The following PDE9A variants were observed in gnomAD, a reference collection of about 807,000 sequenced individuals.
The protein encoded by PDE9A is phosphodiesterase 9A.
PDE9A carries 60 observed loss-of-function variants against 87.4 expected under a neutral mutation model. The ratio of observed to expected loss-of-function variants is 0.69; its 90% CI spans 0.56 to 0.85. The LOEUF is 0.85. Ranked by LOEUF, PDE9A falls within the 40% of genes least tolerant of loss-of-function variation. PDE9A has a pLI of 0.00. For missense variants in PDE9A, 665 were observed against 779.0 expected, an observed-to-expected ratio of 0.85 and a Z score of 1.74; for synonymous variants, 272 against 279.4, an observed-to-expected ratio of 0.97 and a Z score of 0.27.
At chr21:42,732,923 C>CAA (rs1403494065) in intron 6 of PDE9A, among the ~76,000 whole-genome samples, 1 of 152,156 alleles carries the variant, frequency 6.6e-6, no homozygotes, top group Admixed American at 6.6e-5. Flanking sequence ...AAAAACAAAA[C>CAA]AAAACAAAAA....
chr21:42,717,753 G>A (rs1011353403), intron 4 of PDE9A, among the ~76,000 whole-genome samples: 10 of 151,378 alleles, frequency 6.6e-5, no homozygotes, highest in Admixed American at 6.6e-4. Flanking sequence ...GTGGAATTCT[G>A]CATTCACAGT....
chr21:42,768,353 G>C, intron 16 of PDE9A, 61 bp downstream of exon 16: 1 of 1,205,228 alleles, frequency 8.3e-7, no homozygotes, highest in Non-Finnish European at 1.2e-6. Context: ...CTTAGTAAGG[G>C]TTTGCGTTAA....
chr21:42,670,693 A>C (rs1282336691), intron 1 of PDE9A, among the ~76,000 whole-genome samples: 1 of 151,650 alleles, frequency 6.6e-6, no homozygotes, highest in African/African-American at 2.4e-5. Flanking sequence ...ACACATGCTC[A>C]CACACTCACA....
At chr21:42,772,327 A>G in intron 18 of PDE9A, 112 bp from the exon 19 acceptor site, 1 of 690,544 alleles carries the variant, frequency 1.4e-6, no homozygotes, top group Non-Finnish European at 2.5e-6. Flanking sequence ...GCTGGGGACC[A>G]CAGGCTTTCA....
intron 3 of PDE9A, among the ~76,000 whole-genome samples, chr21:42,690,800 T>G (rs1331638781): frequency 6.6e-6 from 1 of 152,028 alleles, no homozygotes; most frequent in Admixed American, 6.5e-5. Context: ...CTTCTCCAAC[T>G]TACCCCTGTA....
chr21:42,753,412 T>G (rs958141587), intron 9 of PDE9A, among the ~76,000 whole-genome samples: 2 of 152,160 alleles, frequency 1.3e-5, no homozygotes, highest in Admixed American at 1.3e-4. Context: ...TCCTGTGACC[T>G]CCACCACAAG....
chr21:42,760,782 C>G lies in PDE9A; in HGVS notation c.1003-43C>G. 8.9e-7 allele frequency: 1 copy of G among 1,125,766 alleles called. No individual in the cohort carries two copies. Among genetic ancestry groups the G allele is most frequent in the Non-Finnish European group, 1.4e-6 (1 of 735,956 alleles). The allele number at this position is 1,125,766 out of a possible 1,614,324, so 69.7% of individuals were successfully genotyped here. The stretch of plus-strand genomic sequence containing the variant: ...CCCCCCCTCACCCCATCCCACCCTC[C>G]GAGTGAAGAGAGCAAACACCTACGC... On this transcript the variant is annotated intron_variant, in intron 12 of 19. Transcript: ENST00000291539. This position sits in a 1 kb window ranked among gnomAD's most constrained non-coding sequence, Gnocchi z 5.2.
At chr21:42,743,634 G>A (rs1317910991) in intron 7 of PDE9A, 142 bp from the exon 8 acceptor site, 3 of 607,800 alleles carry the variant, frequency 4.9e-6, no homozygotes, top group Non-Finnish European at 9.0e-6. Flanking sequence ...CCTGAGTATC[G>A]GCAGCCAGGG....
At chr21:42,762,546 T>G (rs1186337729) in intron 14 of PDE9A, among the ~76,000 whole-genome samples, 3 of 152,172 alleles carry the variant, frequency 2.0e-5, no homozygotes, top group African/African-American at 4.8e-5. Flanking sequence ...AAACTGAGGC[T>G]TAGCAAAGGT....
In PDE9A at chr21:42,661,590, T is replaced by C. The variant is rs78797583; in HGVS notation, c.69+7707T>C. Among the ~76,000 whole-genome samples the C allele has an allele frequency of 1.3e-3, 193 of 152,278 alleles. 2 individuals carry two copies. In the East Asian group the frequency reaches 0.033, roughly 26 times the overall value. On this transcript the variant is annotated intron_variant, in intron 1 of 19. Transcript: ENST00000291539. ...TTCCTGCCTTTTTAAGGCCGAGCGG[T>C]ATTCCATTGTGTGCGTGGACCACAT...
At chr21:42,770,394 G>C (rs1194810006) in intron 17 of PDE9A, among the ~76,000 whole-genome samples, 1 of 152,180 alleles carries the variant, frequency 6.6e-6, no homozygotes, top group African/African-American at 2.4e-5. Flanking sequence ...CCTCAGCCGG[G>C]AGGCTGTCAG....
chr21:42,691,305 C>T (rs924184058), intron 3 of PDE9A, among the ~76,000 whole-genome samples: 11 of 151,082 alleles, frequency 7.3e-5, no homozygotes, highest in African/African-American at 2.4e-4. Flanking sequence ...TCCAAAGTCA[C>T]GCATCCTGTC....
rs564686541 is a variant in PDE9A at position 42,695,472 on chromosome 21, G to T, written c.219-3496G>T. On this transcript the variant is annotated intron_variant, in intron 3 of 19. Transcript: ENST00000291539. This position sits in a 1 kb window ranked among gnomAD's most constrained non-coding sequence, Gnocchi z 4.3. ...AGCGTGAGTGAAAGTGGGGTGTGTG[G>T]TGAGACACATACAGAGGGGAGAGGG... Among the ~76,000 whole-genome samples, 4 of 152,220 alleles carry T rather than the reference G, an allele frequency of 2.6e-5. No homozygotes were observed. Among genetic ancestry groups the T allele is most frequent in the Non-Finnish European group, 5.9e-5 (4 of 68,044 alleles).
chr21:42,739,316 C>T lies in PDE9A; in HGVS notation c.569-4460C>T, dbSNP rs952546276. Among the ~76,000 whole-genome samples, 2 of 152,222 alleles carry T rather than the reference C, an allele frequency of 1.3e-5. No homozygotes were observed. Among genetic ancestry groups the T allele is most frequent in the Admixed American group, 1.3e-4 (2 of 15,282 alleles). On this transcript the variant is annotated intron_variant, in intron 7 of 19. Coordinates refer to ENST00000291539, the MANE Select transcript of PDE9A (RefSeq NM_002606.3). The surrounding 1 kb of genome is among the most constrained non-coding windows in gnomAD (Gnocchi z 4.1). Reference sequence around the variant, plus strand: ...CCCCGCCCCACAGGACTGGCCCGCTCCTCCCTCTGGATTGAGGTGGAGCAG... The same window carrying T: ...CCCCGCCCCACAGGACTGGCCCGCTTCTCCCTCTGGATTGAGGTGGAGCAG...
rs2059893730 is a variant in PDE9A at position 42,692,341 on chromosome 21, AC to A, written c.218+4350del. Among the ~76,000 whole-genome samples, 1 of 151,872 alleles carries A rather than the reference AC, an allele frequency of 6.6e-6. No homozygotes were observed. The highest frequency in any genetic ancestry group is 1.5e-5 in the Non-Finnish European group (1 of 67,982). On this transcript the variant is annotated intron_variant, in intron 3 of 19. Coordinates refer to ENST00000291539, the MANE Select transcript of PDE9A (RefSeq NM_002606.3). The surrounding 1 kb of genome is among the most constrained non-coding windows in gnomAD (Gnocchi z 4.3). ...TGCTACTTGTATCTGATGGGTGGAG[AC>A]CCGGGATGCCAATGGCATCCTACAG...
At chr21:42,713,441 A>G (rs916845158) in intron 4 of PDE9A, among the ~76,000 whole-genome samples, 1 of 152,190 alleles carries the variant, frequency 6.6e-6, no homozygotes, top group African/African-American at 2.4e-5. Flanking sequence ...GCCGCTTTTC[A>G]TGTATTGCTA....
chr21:42,694,792 C>G lies in PDE9A; in HGVS notation c.219-4176C>G, dbSNP rs1312095594. Among the ~76,000 whole-genome samples, 2 of 152,172 alleles carry G rather than the reference C, an allele frequency of 1.3e-5. No homozygotes were observed. Among genetic ancestry groups the G allele is most frequent in the African/African-American group, 4.8e-5 (2 of 41,450 alleles). ...CACACTTTCATCCCATCACTCCCAG[C>G]ATGGAGTTCTCCAGTGGCCTGTTGG... On this transcript the variant is annotated intron_variant, in intron 3 of 19. Transcript: ENST00000291539. This position sits in a 1 kb window ranked among gnomAD's most constrained non-coding sequence, Gnocchi z 5.3.
At chr21:42,742,373 A>C (rs1039892873) in intron 7 of PDE9A, among the ~76,000 whole-genome samples, 1 of 151,430 alleles carries the variant, frequency 6.6e-6, no homozygotes, top group Non-Finnish European at 1.5e-5. Context: ...TTTAAGGATA[A>C]CTTAGTGGGT....
intron 1 of PDE9A, among the ~76,000 whole-genome samples, chr21:42,677,488 T>C (rs756575): frequency 1 from 152,072 of 152,332 alleles, 75,909 homozygotes; most frequent in Middle Eastern, 1. Flanking sequence ...CAGCCAGCCT[T>C]GCAGAGAGGG....
Sources: allele counts gnomAD v4.1 joint callset (sites outside exome capture counted in the v4.1 genomes callset), GRCh38; gene constraint gnomAD v4.1.1; non-coding constraint Gnocchi (gnomAD v3.1); transcripts MANE v1.5; gene names NCBI Gene and HGNC (gene_info 2026-07-23, HGNC 2026-07-21).